ATG4D: variants seen among roughly 807,000 people sequenced by gnomAD.
ATG4D encodes the protein autophagy related 4D cysteine peptidase.
A neutral mutation model predicts 55.2 loss-of-function variants in ATG4D; 51 were observed. The observed-to-expected ratio is 0.92, with a 90% CI of 0.74 to 1.17. ATG4D has a LOEUF of 1.17. Among genes scored for constraint, ATG4D ranks in the 50% most tolerant of loss-of-function variants. The pLI, the probability that ATG4D is intolerant of heterozygous loss-of-function variation, is 0.00. For synonymous variants in ATG4D, 268 were observed against 266.2 expected (o/e 1.01, Z -0.07); for missense variants, 635 against 649.6 (o/e 0.98, Z 0.25).
chr19:10,547,298 A>C (rs990313047), intron 5 of ATG4D, 45 bp downstream of exon 5: 1 of 1,596,144 alleles, frequency 6.3e-7, no homozygotes, highest in Non-Finnish European at 8.6e-7. Flanking sequence ...ACCCTGAGCC[A>C]GACTCTGCCT....
rs1237473702 is a variant in ATG4D at position 10,552,885 on chromosome 19, G to C, written c.1243G>C (p.Val415Leu). 6.9e-6 allele frequency: 11 copies of C among 1,605,798 alleles called. No individual in the cohort carries two copies. Among genetic ancestry groups the C allele is most frequent in the Non-Finnish European group, 9.4e-6 (11 of 1,175,566 alleles). Reference sequence around the variant, plus strand: ...GACCCTGTCTCCCTCTTCCCGCCAGGTCCTCAGCTCCTCCTCAGCCACAGA... The same window carrying C: ...GACCCTGTCTCCCTCTTCCCGCCAGCTCCTCAGCTCCTCCTCAGCCACAGA... ...FETLCSELTR[V>L]LSSSSATERY... The change falls in exon 10 of 10, where the codon GTC (valine) becomes CTC (leucine). Residue 415 changes from valine to leucine, a missense_variant and splice_region_variant. Physicochemically the swap from Val to Leu is conservative, Grantham distance 32. Coordinates refer to ENST00000309469, the MANE Select transcript of ATG4D (RefSeq NM_032885.6).
Position 10,548,003 on chromosome 19 carries a change from A to ATTTTTTTTTTTTTTT in ATG4D, c.835+781_835+795dup, listed in dbSNP as rs60924749. 1.4e-4 allele frequency among the ~76,000 whole-genome samples: 5 copies of ATTTTTTTTTTTTTTT among 35,000 alleles called. 1 individual carries two copies. Among genetic ancestry groups the ATTTTTTTTTTTTTTT allele is most frequent in the African/African-American group, 2.1e-4 (2 of 9,426 alleles). The allele number at this position is 35,000 out of a possible 152,430, so 23.0% of individuals were successfully genotyped here. A position where few individuals can be genotyped will look rare whatever the true frequency, so the allele number is the denominator to read the frequency against. ...TGAGCCACTGTGCCCAGCCCCTGTA[A>ATTTTTTTTTTTTTTT]TTTTTTTTTTTTTTTTTTTTTTTTT... On this transcript the variant is annotated intron_variant, in intron 5 of 9. Transcript: ENST00000309469.
At chr19:10,549,076 C>T in intron 6 of ATG4D, 42 bp downstream of exon 6, 2 of 1,610,388 alleles carry the variant, frequency 1.2e-6, no homozygotes, top group East Asian at 2.2e-5. Flanking sequence ...CCTGGGAGCC[C>T]TCCAGACTTG....
Position 10,543,948 on chromosome 19 carries a change from C to A in ATG4D, c.-143C>A, listed in dbSNP as rs926887937. On this transcript the variant is annotated 5_prime_UTR_variant, in exon 1 of 10. Coordinates refer to ENST00000309469, the MANE Select transcript of ATG4D (RefSeq NM_032885.6). ...GCGATGGCTGCGGTAGCAGCGGCGG[C>A]GGCTGTTGCCTGGCCCGGTACCCTG... 1 of 461,794 alleles carries A rather than the reference C, an allele frequency of 2.2e-6. No individual in the cohort carries two copies. The highest frequency in any genetic ancestry group is 3.5e-6 in the Non-Finnish European group (1 of 289,716). 28.6% of individuals were successfully genotyped at this position (461,794 alleles called of 1,614,324 possible).
intron 5 of ATG4D, among the ~76,000 whole-genome samples, 160 bp from the exon 6 acceptor site, chr19:10,548,744 G>A (rs540423245): frequency 7.1e-4 from 108 of 152,300 alleles, no homozygotes; most frequent in African/African-American, 2.5e-3. Flanking sequence ...GGGATTTTCT[G>A]GGGGTGTTTG....
At position 10,552,099 on chromosome 19, in the gene ATG4D, G is replaced by A; in HGVS notation, c.1100G>A (p.Ser367Asn). Reference protein sequence around the residue: ...PHYCQPTVDVSQADFPLESFH... With the variant: ...PHYCQPTVDVNQADFPLESFH... Reference sequence around the variant, plus strand: ...TACTGCCAGCCCACTGTGGATGTCAGCCAGGCCGACTTCCCCCTGGAGGTG... The same window carrying A: ...TACTGCCAGCCCACTGTGGATGTCAACCAGGCCGACTTCCCCCTGGAGGTG... The change falls in exon 8 of 10, where the codon AGC becomes AAC. Residue 367 changes from serine to asparagine, a missense_variant. Coordinates refer to ENST00000309469, the MANE Select transcript of ATG4D (RefSeq NM_032885.6). The A allele has an allele frequency of 1.2e-6, 2 of 1,611,480 alleles. No homozygotes were observed. Among genetic ancestry groups the A allele is most frequent in the Non-Finnish European group, 1.7e-6 (2 of 1,179,982 alleles).
intron 6 of ATG4D, among the ~76,000 whole-genome samples, chr19:10,549,520 C>A (rs1916155933): frequency 1.3e-5 from 2 of 152,132 alleles, no homozygotes; most frequent in South Asian, 4.1e-4. Flanking sequence ...CGAGTTCAAG[C>A]AATTCTCCTG....
chr19:10,553,116 T>A lies in ATG4D; in HGVS notation c.*49T>A. 6.6e-7 allele frequency: 1 copy of A among 1,523,018 alleles called. No individual in the cohort carries two copies. The highest frequency in any genetic ancestry group is 2.3e-5 in the East Asian group (1 of 42,864). 94.3% of individuals were successfully genotyped at this position (1,523,018 alleles called of 1,614,324 possible). A position where few individuals can be genotyped will look rare whatever the true frequency, so the allele number is the denominator to read the frequency against. On this transcript the variant is annotated 3_prime_UTR_variant, in exon 10 of 10. Coordinates refer to ENST00000309469, the MANE Select transcript of ATG4D (RefSeq NM_032885.6). ...ACAACACTATTTATTTTTTTATTTATGTCATGTCGGGTGTGGGATCTTGAG... is the reference window on the plus strand; with the variant it reads ...ACAACACTATTTATTTTTTTATTTAAGTCATGTCGGGTGTGGGATCTTGAG...
In ATG4D at chr19:10,544,203, G is replaced by T; in HGVS notation, c.113G>T (p.Gly38Val). ...PRGPRGPDPN[G>V]LGPSGASGPA... ...GGTCCCAGAGGCCCAGACCCCAACG[G>T]CCTGGGGCCTTCCGGAGCCAGCGGC... The change falls in exon 1 of 10, where the codon GGC becomes GTC. Residue 38 changes from glycine (G) to valine (V), a missense_variant. Coordinates refer to ENST00000309469, the MANE Select transcript of ATG4D (RefSeq NM_032885.6). 8.0e-7 allele frequency: 1 copy of T among 1,252,206 alleles called. No individual in the cohort carries two copies. Among genetic ancestry groups the T allele is most frequent in the Non-Finnish European group, 1.0e-6 (1 of 990,708 alleles). 77.6% of individuals were successfully genotyped at this position (1,252,206 alleles called of 1,614,324 possible).
Position 10,545,128 on chromosome 19 carries a change from G to C in ATG4D, c.491G>C (p.Arg164Thr). 3 of 1,609,458 alleles carry C rather than the reference G, an allele frequency of 1.9e-6. No individual in the cohort carries two copies. Among genetic ancestry groups the C allele is most frequent in the Non-Finnish European group, 2.5e-6 (3 of 1,179,980 alleles). Residue 164 changes from arginine to threonine, a missense_variant and splice_region_variant, in exon 3 of 10, where the codon AGA becomes ACA. By Grantham distance (71) the Arg-to-Thr change is moderately conservative. Transcript: ENST00000309469. ...GGCCTTCTGCTGCATTTCCTGCCCA[G>C]AGGTGAGCCATAGGGGGGAAGGGGT... ...AQGLLLHFLP[R>T]DWTWAEGMGL...
At chr19:10,546,560 G>A (rs1916035132) in intron 3 of ATG4D, among the ~76,000 whole-genome samples, 1 of 151,518 alleles carries the variant, frequency 6.6e-6, no homozygotes, top group African/African-American at 2.4e-5. Context: ...CACCATGTTG[G>A]CCAGGCTGGT....
intron 6 of ATG4D, 55 bp from the exon 7 acceptor site, chr19:10,551,842 C>T (rs1229456565): frequency 8.9e-6 from 14 of 1,571,400 alleles, no homozygotes; most frequent in Non-Finnish European, 1.1e-5. Context: ...GAGGTGTTTG[C>T]CAAGCGTTTG....
chr19:10,545,157 C>T (rs774941284), intron 3 of ATG4D, 27 bp downstream of exon 3: 2 of 1,602,622 alleles, frequency 1.2e-6, no homozygotes, highest in Non-Finnish European at 1.7e-6. Flanking sequence ...AAGGGGTGCA[C>T]TAGGAGTACA....
At chr19:10,544,451 C>A in intron 1 of ATG4D, 126 bp downstream of exon 1, 1 of 975,112 alleles carries the variant, frequency 1.0e-6, no homozygotes, top group Non-Finnish European at 1.4e-6. Context: ...CCCTGCCCGG[C>A]CCAGGGTGGA....
chr19:10,552,330 CAAG>C lies in ATG4D; in HGVS notation c.1242+8_1242+10del, dbSNP rs770621403. 1 of 1,608,354 alleles carries C rather than the reference CAAG, an allele frequency of 6.2e-7. No individual in the cohort carries two copies. Among genetic ancestry groups the C allele is most frequent in the South Asian group, 1.1e-5 (1 of 90,928 alleles). ...TCTGCTCAGAGCTGACCAGGGTGAG[CAAG>C]AGGAAAGCTGGAGTGGGGTGAGGGG... On this transcript the variant is annotated splice_region_variant and intron_variant, in intron 9 of 9. Coordinates refer to ENST00000309469, the MANE Select transcript of ATG4D (RefSeq NM_032885.6).
Position 10,551,910 on chromosome 19 carries a change from G to T in ATG4D, c.980G>T (p.Cys327Phe). ...YVPCVKELLR[C>F]ELCLGIMGGK... Reference sequence around the variant, plus strand: ...TCCTCCCTGCAGGAACTCCTGCGTTGCGAGCTGTGCCTGGGCATCATGGGT... The same window carrying T: ...TCCTCCCTGCAGGAACTCCTGCGTTTCGAGCTGTGCCTGGGCATCATGGGT... The change falls in exon 7 of 10, where the codon TGC becomes TTC. Residue 327 changes from cysteine (C) to phenylalanine (F), a missense_variant. Physicochemically the swap from Cys to Phe is radical, Grantham distance 205 (BLOSUM62 -2). Coordinates refer to ENST00000309469, the MANE Select transcript of ATG4D (RefSeq NM_032885.6). 1 of 1,613,968 alleles carries T rather than the reference G, an allele frequency of 6.2e-7. No individual in the cohort carries two copies. The highest frequency in any genetic ancestry group is 8.5e-7 in the Non-Finnish European group (1 of 1,180,006).
Position 10,552,987 on chromosome 19 carries a change from C to G in ATG4D, c.1345C>G (p.Gln449Glu). ...SLDDLCSQLA[Q>E]PTLRLPRTGR... ...GGACGACCTCTGCTCCCAGCTCGCCCAGCCCACACTCCGGCTCCCTCGCAC... is the reference window on the plus strand; with the variant it reads ...GGACGACCTCTGCTCCCAGCTCGCCGAGCCCACACTCCGGCTCCCTCGCAC... The change falls in exon 10 of 10, where the codon CAG becomes GAG. Residue 449 changes from glutamine (Q) to glutamate (E), a missense_variant. By Grantham distance (29) the Gln-to-Glu change is conservative (BLOSUM62 2). Transcript: ENST00000309469. 1 of 1,613,494 alleles carries G rather than the reference C, an allele frequency of 6.2e-7. No homozygotes were observed. Among genetic ancestry groups the G allele is most frequent in the African/African-American group, 1.3e-5 (1 of 75,078 alleles).
intron 7 of ATG4D, 22 bp from the exon 8 acceptor site, chr19:10,552,023 C>T (rs781014878): frequency 1.1e-5 from 17 of 1,611,976 alleles, no homozygotes; most frequent in Non-Finnish European, 1.4e-5. Context: ...CGCACCCCCA[C>T]TCACACCTGC....
chr19:10,553,327 G>A lies in ATG4D; in HGVS notation c.*260G>A. On this transcript the variant is annotated 3_prime_UTR_variant, in exon 10 of 10. Transcript: ENST00000309469. ...CCCCTCAGGGCCTGACTCACGTACT[G>A]TAGTTTGCACTGGACGCCCGGGCCC... 2.2e-6 allele frequency: 1 copy of A among 448,434 alleles called. No individual in the cohort carries two copies. The highest frequency in any genetic ancestry group is 4.0e-6 in the Non-Finnish European group (1 of 249,188). 27.8% of individuals were successfully genotyped at this position (448,434 alleles called of 1,614,324 possible).
Sources: gnomAD v4.1 joint callset for allele counts (sites outside exome capture counted in the v4.1 genomes callset) on GRCh38, gnomAD v4.1.1 for gene constraint, MANE v1.5 for transcripts, NCBI Gene and HGNC (gene_info 2026-07-23, HGNC 2026-07-21) for gene names.